Variants in HBS1L observed in about 807,000 individuals in gnomAD.
HBS1L encodes the protein HBS1-like protein.
A neutral mutation model predicts 88.9 loss-of-function variants in HBS1L; 55 were observed. The ratio of observed to expected loss-of-function variants is 0.62; its 90% CI spans 0.50 to 0.77. The LOEUF is 0.77. Among genes scored for constraint, HBS1L ranks in the 30% least tolerant of loss-of-function variants. HBS1L has a pLI of 0.00. For synonymous variants in HBS1L, 267 were observed against 288.5 expected (o/e 0.93, Z 0.76); for missense variants, 741 against 829.3 (o/e 0.89, Z 1.31).
chr6:134,987,966 C>T (rs185206500), intron 8 of HBS1L, among the ~76,000 whole-genome samples, 175 bp from the exon 9 acceptor site: 37 of 152,122 alleles, frequency 2.4e-4, no homozygotes, highest in African/African-American at 8.9e-4. Context: ...AAATAAAAGT[C>T]ACCAAAAATA....
At chr6:134,995,743 T>C (rs971500879) in intron 7 of HBS1L, among the ~76,000 whole-genome samples, 4 of 152,134 alleles carry the variant, frequency 2.6e-5, no homozygotes, top group African/African-American at 9.6e-5. Context: ...TACAATTACA[T>C]TGTTTTCCAA....
At position 135,002,797 on chromosome 6, in the gene HBS1L, ACAATTT is replaced by A. The variant is rs752152265; in HGVS notation, c.470_475del (p.Glu157_Ile158del). ...TACAGTCATTTTAGCAACTTTTGGC[ACAATTT>A]CAGATTCACTTCGCGATGTCTGGGA... On this transcript the variant is annotated inframe_deletion, in exon 5 of 18. Transcript: ENST00000367837. 10 of 1,613,358 alleles carry A rather than the reference ACAATTT, an allele frequency of 6.2e-6. No individual in the cohort carries two copies. Among genetic ancestry groups the A allele is most frequent in the Middle Eastern group, 1.6e-4 (1 of 6,080 alleles).
At chr6:135,032,614 T>G (rs1274483400) in intron 4 of HBS1L, among the ~76,000 whole-genome samples, 1 of 152,154 alleles carries the variant, frequency 6.6e-6, no homozygotes, top group African/African-American at 2.4e-5. Flanking sequence ...GTATACTTGT[T>G]TATTTGCAAT....
Position 134,965,259 on chromosome 6 carries a change from G to A in HBS1L, c.*20C>T, listed in dbSNP as rs372618200. 4 of 1,567,444 alleles carry A rather than the reference G, an allele frequency of 2.6e-6. No homozygotes were observed. The highest frequency in any genetic ancestry group is 2.7e-5 in the African/African-American group (2 of 73,548). On this transcript the variant is annotated 3_prime_UTR_variant, in exon 18 of 18. Transcript: ENST00000367837. ...TAGCTATTTCACTGTATCCAGAAACGTGGTAGAAATTCTGACCCATCATTC... is the reference window on the plus strand; with the variant it reads ...TAGCTATTTCACTGTATCCAGAAACATGGTAGAAATTCTGACCCATCATTC...
intron 2 of HBS1L, among the ~76,000 whole-genome samples, chr6:135,043,230 T>C (rs1401325589): frequency 5.3e-5 from 8 of 152,172 alleles, no homozygotes; most frequent in Non-Finnish European, 7.3e-5. Flanking sequence ...CTGTGTTCAA[T>C]TGTAAAGGAA....
At chr6:134,987,192 C>T (rs561989655) in intron 9 of HBS1L, among the ~76,000 whole-genome samples, 1 of 152,050 alleles carries the variant, frequency 6.6e-6, no homozygotes, top group East Asian at 1.9e-4. Context: ...TTATCAATTA[C>T]TTGGAAACAT....
Position 135,035,196 on chromosome 6 carries a change from T to C in HBS1L, c.430+4377A>G, listed in dbSNP as rs76060690. Among the ~76,000 whole-genome samples the C allele has an allele frequency of 3.6e-4, 55 of 152,326 alleles. No homozygotes were observed. In the East Asian group the frequency reaches 0.01, roughly 28 times the overall value. On this transcript the variant is annotated intron_variant, in intron 4 of 17. Coordinates refer to ENST00000367837, the MANE Select transcript of HBS1L (RefSeq NM_006620.4). ...GGCCGGGCGTGGTGGCTCACACCTATAATCCCTGCACTTTGGGAGGCCTAG... is the reference window on the plus strand; with the variant it reads ...GGCCGGGCGTGGTGGCTCACACCTACAATCCCTGCACTTTGGGAGGCCTAG...
At chr6:135,009,972 T>C in intron 4 of HBS1L, among the ~76,000 whole-genome samples, 1 of 152,092 alleles carries the variant, frequency 6.6e-6, no homozygotes, top group Non-Finnish European at 1.5e-5. Flanking sequence ...TGTTTAGAAA[T>C]AAGGAAAGCC....
rs567019985 is a variant in HBS1L at position 135,035,459 on chromosome 6, G to A, written c.430+4114C>T. Among the ~76,000 whole-genome samples, 11 of 150,224 alleles carry A rather than the reference G, an allele frequency of 7.3e-5. No homozygotes were observed. The East Asian group carries it at 2.0e-3, about 27-fold the overall frequency. ...CATCTTAAAAAAAATAATAAGAACA[G>A]GCCGGGTGCAGTGGCTCACGCCTGT... On this transcript the variant is annotated intron_variant, in intron 4 of 17. Transcript: ENST00000367837.
In HBS1L at chr6:134,960,948, A is replaced by C. The variant is rs1462963212; in HGVS notation, c.*4331T>G. The C allele has an allele frequency of 6.6e-6, 1 of 152,188 alleles. No homozygotes were observed. Among genetic ancestry groups the C allele is most frequent in the Non-Finnish European group, 1.5e-5 (1 of 68,024 alleles). The allele number at this position is 152,188 out of a possible 1,614,324, so 9.4% of individuals were successfully genotyped here. A position where few individuals can be genotyped will look rare whatever the true frequency, so the allele number is the denominator to read the frequency against. Reference sequence around the variant, plus strand: ...TACAAAATAGGAATATTTTGCAGATAGCATATCATTAGCTTTGCAGTTTGA... The same window carrying C: ...TACAAAATAGGAATATTTTGCAGATCGCATATCATTAGCTTTGCAGTTTGA... On this transcript the variant is annotated 3_prime_UTR_variant, in exon 18 of 18. Transcript: ENST00000367837.
intron 3 of HBS1L, among the ~76,000 whole-genome samples, chr6:135,040,344 C>CTTTTTTTTTTTTTTTT (rs71006751): frequency 9.1e-6 from 1 of 110,060 alleles, no homozygotes; most frequent in African/African-American, 3.6e-5. Flanking sequence ...GATAGGCATT[C>CTTTTTTTTTTTTTTTT]TTTTTTTTTT....
chr6:134,974,252 T>G (rs758893540), intron 15 of HBS1L, among the ~76,000 whole-genome samples: 1 of 151,228 alleles, frequency 6.6e-6, no homozygotes, highest in Non-Finnish European at 1.5e-5. Context: ...TGAGAATAAA[T>G]CAGTAATAAA....
intron 4 of HBS1L, among the ~76,000 whole-genome samples, chr6:135,028,264 T>TAAA (rs35511460): frequency 1.6e-5 from 2 of 125,498 alleles, no homozygotes; most frequent in Admixed American, 8.3e-5. Flanking sequence ...TGCAAGGTAA[T>TAAA]AAAAAAAAAA....
At chr6:135,007,947 C>A (rs1341496210) in intron 4 of HBS1L, among the ~76,000 whole-genome samples, 1 of 152,180 alleles carries the variant, frequency 6.6e-6, no homozygotes, top group African/African-American at 2.4e-5. Flanking sequence ...ACGGCTTAAG[C>A]AGTTCATTTA....
chr6:135,054,758 A>G lies in HBS1L; in HGVS notation c.-67T>C. On this transcript the variant is annotated 5_prime_UTR_variant, in exon 1 of 18. Coordinates refer to ENST00000367837, the MANE Select transcript of HBS1L (RefSeq NM_006620.4). ...CAAAACACTCCGCTTAGATACTGAT[A>G]AGGCGCCAACTGCAGCCTGGAGAAC... 1.9e-6 allele frequency: 3 copies of G among 1,590,314 alleles called. No homozygotes were observed. Among genetic ancestry groups the G allele is most frequent in the Non-Finnish European group, 2.6e-6 (3 of 1,161,788 alleles).
At chr6:134,984,914 AGAT>A (rs1327240961) in intron 12 of HBS1L, among the ~76,000 whole-genome samples, 1 of 152,138 alleles carries the variant, frequency 6.6e-6, no homozygotes, top group Non-Finnish European at 1.5e-5. Flanking sequence ...AGACTGTTAC[AGAT>A]GGGGAGGAAA....
At chr6:135,049,917 G>A (rs927521983) in intron 2 of HBS1L, among the ~76,000 whole-genome samples, 1 of 152,230 alleles carries the variant, frequency 6.6e-6, no homozygotes, top group Admixed American at 6.5e-5. Context: ...TGTGTAGACA[G>A]TAGGCTGAAA....
chr6:135,036,674 C>T (rs1195393247), intron 4 of HBS1L: 12 of 1,551,060 alleles, frequency 7.7e-6, no homozygotes, highest in African/African-American at 1.4e-5. Flanking sequence ...TCCTTTACAT[C>T]TTGAACTTGT....
intron 12 of HBS1L, among the ~76,000 whole-genome samples, chr6:134,985,085 TAGAA>T (rs1774940622): frequency 6.6e-6 from 1 of 152,118 alleles, no homozygotes; most frequent in African/African-American, 2.4e-5. Context: ...ACTATAAAGT[TAGAA>T]AGACAAAAGG....
Sources: allele counts gnomAD v4.1 joint callset (sites outside exome capture counted in the v4.1 genomes callset), GRCh38; gene constraint gnomAD v4.1.1; transcripts MANE v1.5; gene names NCBI Gene and HGNC (gene_info 2026-07-23, HGNC 2026-07-21).